The following DOP1B variants were observed in gnomAD, a reference collection of about 807,000 sequenced individuals.
DOP1B encodes the protein protein DOP1B.
Under a neutral mutation model 233.5 loss-of-function variants are expected in DOP1B, and 174 were observed. The observed-to-expected ratio is 0.75, with a 90% CI of 0.66 to 0.85. The LOEUF (loss-of-function observed/expected upper bound fraction) is 0.85. Among genes scored for constraint, DOP1B ranks in the 40% least tolerant of loss-of-function variants. The pLI is 0.00. For synonymous variants in DOP1B, 1,190 were observed against 1,185.6 expected, an observed-to-expected ratio of 1.00 and a Z score of -0.08; for missense variants, 2,652 against 2,846.6, an observed-to-expected ratio of 0.93 and a Z score of 1.56.
chr21:36,240,974 G>A (rs1187267940), intron 18 of DOP1B, among the ~76,000 whole-genome samples: 1 of 152,120 alleles, frequency 6.6e-6, no homozygotes, highest in Non-Finnish European at 1.5e-5. Flanking sequence ...TAAAAACCAA[G>A]GCCCAGAATG....
chr21:36,205,961 G>T (rs1336334330), intron 4 of DOP1B, among the ~76,000 whole-genome samples: 2 of 151,920 alleles, frequency 1.3e-5, no homozygotes, highest in Non-Finnish European at 2.9e-5. Flanking sequence ...AGTGAGCCAA[G>T]ATCGTGCCAT....
At chr21:36,220,046 G>A (rs1266988281) in intron 10 of DOP1B, among the ~76,000 whole-genome samples, 6 of 152,090 alleles carry the variant, frequency 3.9e-5, no homozygotes, top group South Asian at 2.1e-4. Context: ...TTGGCCTCAC[G>A]TGCGCAGTTA....
chr21:36,265,171 G>A (rs1168838803), intron 26 of DOP1B, among the ~76,000 whole-genome samples: 2 of 152,160 alleles, frequency 1.3e-5, no homozygotes, highest in African/African-American at 2.4e-5. Context: ...CAAGGTGGGC[G>A]GATCACCTGA....
chr21:36,167,652 A>T (rs1387513036), intron 2 of DOP1B, among the ~76,000 whole-genome samples: 1 of 152,170 alleles, frequency 6.6e-6, no homozygotes, highest in Non-Finnish European at 1.5e-5. Context: ...CTAGTTCCAC[A>T]CATTTTCATC....
chr21:36,287,821 GTT>G (rs2067504401), intron 32 of DOP1B, among the ~76,000 whole-genome samples, 191 bp from the exon 33 acceptor site: 6 of 151,848 alleles, frequency 4.0e-5, no homozygotes, highest in Non-Finnish European at 5.9e-5. Flanking sequence ...TCCTTATCTT[GTT>G]ATCCGCCCGC....
At chr21:36,238,038 A>G (rs959394448) in intron 16 of DOP1B, among the ~76,000 whole-genome samples, 22 of 152,294 alleles carry the variant, frequency 1.4e-4, no homozygotes, top group African/African-American at 5.1e-4. Context: ...ATGGTGGCAC[A>G]TGCCTGTAAT....
intron 10 of DOP1B, among the ~76,000 whole-genome samples, chr21:36,220,028 C>A (rs1163933804): frequency 6.6e-6 from 1 of 151,958 alleles, no homozygotes; most frequent in East Asian, 1.9e-4. Flanking sequence ...TGGAAGACAG[C>A]GGGCACATTG....
At chr21:36,177,999 G>A (rs911406449) in intron 2 of DOP1B, among the ~76,000 whole-genome samples, 2 of 152,134 alleles carry the variant, frequency 1.3e-5, no homozygotes, top group African/African-American at 2.4e-5. Flanking sequence ...AGAAAGTTAG[G>A]AGCTAGAAAC....
At chr21:36,199,362 A>C in intron 3 of DOP1B, 111 bp downstream of exon 3, 1 of 1,371,584 alleles carries the variant, frequency 7.3e-7, no homozygotes, top group Non-Finnish European at 9.8e-7. Context: ...CTGTGTGTGC[A>C]ACAGTTTATC....
At chr21:36,209,862 T>C (rs1198223143) in intron 5 of DOP1B, among the ~76,000 whole-genome samples, 3 of 152,168 alleles carry the variant, frequency 2.0e-5, no homozygotes, top group Non-Finnish European at 4.4e-5. Flanking sequence ...TCAGATTGAA[T>C]TCGCAGGTGA....
intron 2 of DOP1B, among the ~76,000 whole-genome samples, chr21:36,182,685 C>G (rs934709239): frequency 6.6e-6 from 1 of 152,120 alleles, no homozygotes; most frequent in African/African-American, 2.4e-5. Context: ...TAAAGTTAGC[C>G]AGGTGTGACG....
intron 15 of DOP1B, among the ~76,000 whole-genome samples, chr21:36,236,371 G>A (rs2066826533): frequency 6.6e-6 from 1 of 152,206 alleles, no homozygotes; most frequent in African/African-American, 2.4e-5. Flanking sequence ...CGTTGTGCAG[G>A]GAAAAGGGAA....
chr21:36,273,340 G>C (rs946993840), intron 27 of DOP1B, among the ~76,000 whole-genome samples: 1 of 151,996 alleles, frequency 6.6e-6, no homozygotes, highest in East Asian at 1.9e-4. Context: ...CTGGGAGGCA[G>C]AGGCTGCAGT....
intron 2 of DOP1B, among the ~76,000 whole-genome samples, chr21:36,192,391 CTT>C (rs369131737): frequency 1.5e-4 from 20 of 136,752 alleles, no homozygotes; most frequent in Admixed American, 2.2e-4. Context: ...AATTTTCATT[CTT>C]TTTTTTTTTT....
At chr21:36,201,964 C>A (rs2066372727) in intron 4 of DOP1B, among the ~76,000 whole-genome samples, 1 of 151,998 alleles carries the variant, frequency 6.6e-6, no homozygotes, top group African/African-American at 2.4e-5. Flanking sequence ...GCAGGTGGAT[C>A]ACTTGAGGTC....
chr21:36,200,496 C>T lies in DOP1B; in HGVS notation c.486C>T (p.Ser162=), dbSNP rs752265236. The part of the protein sequence containing the change: ...LPGLEEGSEI[S]DRTDALLLRL... Reference sequence around the variant, plus strand: ...GCCTTGAAGAGGGCTCCGAGATCTCCGACAGGTGCGTGGGCGTCTTGTCCA... The same window carrying T: ...GCCTTGAAGAGGGCTCCGAGATCTCTGACAGGTGCGTGGGCGTCTTGTCCA... Residue 162 remains serine (S), a synonymous_variant, in exon 4 of 37, where the codon TCC becomes TCT. Transcript: ENST00000691173. 6.9e-6 allele frequency: 11 copies of T among 1,605,408 alleles called. No individual in the cohort carries two copies. In the South Asian group the frequency reaches 7.8e-5, roughly 11 times the overall value.
At chr21:36,255,816 G>C (rs998719980) in intron 23 of DOP1B, among the ~76,000 whole-genome samples, 1 of 152,138 alleles carries the variant, frequency 6.6e-6, no homozygotes, top group African/African-American at 2.4e-5. Context: ...ATTTCATCTG[G>C]CTGCTGTGAA....
chr21:36,230,675 C>T lies in DOP1B; in HGVS notation c.1891C>T (p.Gln631Ter), dbSNP rs774356544. 2 of 1,614,168 alleles carry T rather than the reference C, an allele frequency of 1.2e-6. No homozygotes were observed. Among genetic ancestry groups the T allele is most frequent in the Non-Finnish European group, 1.7e-6 (2 of 1,180,034 alleles). Residue 631 changes from glutamine to a stop codon, truncating the protein, a stop_gained, in exon 14 of 37, where the codon CAA becomes TAA. Transcript: ENST00000691173. LOFTEE classifies it high-confidence loss of function. ...GSMQRTFLCIQELIANFASKN... is the reference protein window; with the variant it reads ...GSMQRTFLCI ...CATGCAGAGGACGTTTCTTTGCATC[C>T]AAGAGCTAATCGCCAACTTTGCCAG...
intron 4 of DOP1B, among the ~76,000 whole-genome samples, chr21:36,201,345 CTTT>C (rs1172730528): frequency 6.0e-5 from 5 of 83,262 alleles, no homozygotes; most frequent in South Asian, 4.6e-4. Flanking sequence ...CTATTGGATT[CTTT>C]TTTTTTTTTT....
Sources: allele counts gnomAD v4.1 joint callset (sites outside exome capture counted in the v4.1 genomes callset), GRCh38; gene constraint gnomAD v4.1.1; transcripts MANE v1.5; gene names NCBI Gene and HGNC (gene_info 2026-07-23, HGNC 2026-07-21).